PAX3: variants seen among roughly 807,000 people sequenced by gnomAD.
The protein encoded by PAX3 is paired box protein Pax-3.
Under a neutral mutation model 51.6 loss-of-function variants are expected in PAX3, and 14 were observed. The ratio of observed to expected loss-of-function variants is 0.27; its 90% CI spans 0.18 to 0.42. The LOEUF (loss-of-function observed/expected upper bound fraction) is 0.42, where lower values mean the gene tolerates loss of function less well. Ranked by LOEUF, PAX3 falls within the 10% of genes least tolerant of loss-of-function variation. The probability of loss-of-function intolerance (pLI) is 1.00; values close to 1 mark genes in which losing one functional copy is unlikely to be tolerated. For synonymous variants in PAX3, 280 were observed against 253.4 expected, an observed-to-expected ratio of 1.11 and a Z score of -1.00; for missense variants, 540 against 642.8, an observed-to-expected ratio of 0.84 and a Z score of 1.73.
intron 4 of PAX3, among the ~76,000 whole-genome samples, chr2:222,276,971 G>A (rs920369098): frequency 5.9e-5 from 9 of 152,146 alleles, no homozygotes; most frequent in South Asian, 2.1e-4. Context: ...AGCACCCTGC[G>A]TATTCTAAAG....
chr2:222,296,898 A>G, intron 2 of PAX3, 80 bp downstream of exon 2: 1 of 1,174,206 alleles, frequency 8.5e-7, no homozygotes, highest in Non-Finnish European at 1.2e-6. Flanking sequence ...CCCAGATGTC[A>G]GCCGTTACCC....
chr2:222,229,240 C>T (rs1692495509), intron 5 of PAX3, among the ~76,000 whole-genome samples: 1 of 149,732 alleles, frequency 6.7e-6, no homozygotes, highest in Non-Finnish European at 1.5e-5. Flanking sequence ...AATATCATAA[C>T]ATTGATATAG....
At chr2:222,238,323 T>TC (rs1294436514) in intron 4 of PAX3, among the ~76,000 whole-genome samples, 1 of 152,242 alleles carries the variant, frequency 6.6e-6, no homozygotes, top group Non-Finnish European at 1.5e-5. Flanking sequence ...AAATATTTCA[T>TC]CCTAGTTAAC....
intron 5 of PAX3, among the ~76,000 whole-genome samples, chr2:222,231,140 A>G (rs1692578217): frequency 6.6e-6 from 1 of 152,132 alleles, no homozygotes; most frequent in Admixed American, 6.6e-5. Flanking sequence ...GTAATAGGAG[A>G]GTTAATTAGC....
At chr2:222,276,719 C>T (rs10498137) in intron 4 of PAX3, among the ~76,000 whole-genome samples, 19,462 of 152,244 alleles carry the variant, frequency 0.13, 1,417 homozygotes, top group East Asian at 0.25. Context: ...CTAACACAAC[C>T]TTTACAGCTA....
rs1416633442 is a variant in PAX3 at position 222,200,799 on chromosome 2, T to A, written c.*609A>T. On this transcript the variant is annotated 3_prime_UTR_variant, in exon 9 of 9. Transcript: ENST00000392070. ...TTACAAATGAGGATACAGTAACAAATAATTTATTTAGGAGGTCCTTTACAG... is the reference window on the plus strand; with the variant it reads ...TTACAAATGAGGATACAGTAACAAAAAATTTATTTAGGAGGTCCTTTACAG... The A allele has an allele frequency of 3.1e-6, 1 of 324,142 alleles. No individual in the cohort carries two copies. Among genetic ancestry groups the A allele is most frequent in the African/African-American group, 2.1e-5 (1 of 47,516 alleles). 20.1% of individuals were successfully genotyped at this position (324,142 alleles called of 1,614,324 possible).
intron 7 of PAX3, among the ~76,000 whole-genome samples, chr2:222,217,865 T>C (rs754357399): frequency 6.6e-6 from 1 of 152,206 alleles, no homozygotes; most frequent in African/African-American, 2.4e-5. Flanking sequence ...AGAAGTGATA[T>C]AGCCCAAAGT....
chr2:222,294,348 A>G (rs1409325683), intron 3 of PAX3, 47 bp from the exon 4 acceptor site: 2 of 1,609,902 alleles, frequency 1.2e-6, no homozygotes. Flanking sequence ...CATGGTTGAG[A>G]CAAGCAGGGC....
intron 7 of PAX3, among the ~76,000 whole-genome samples, chr2:222,205,189 T>C (rs576152278): frequency 1.3e-5 from 2 of 152,248 alleles, no homozygotes; most frequent in South Asian, 2.1e-4. Context: ...AGTATATCTA[T>C]TGAAGGGTGG....
chr2:222,256,344 C>T (rs150899847), intron 4 of PAX3, among the ~76,000 whole-genome samples: 2 of 152,238 alleles, frequency 1.3e-5, no homozygotes, highest in South Asian at 2.1e-4. Context: ...ATCCTCTGGA[C>T]GACGCCTTGA....
chr2:222,296,180 C>T (rs868824865), intron 2 of PAX3, among the ~76,000 whole-genome samples: 6 of 152,208 alleles, frequency 3.9e-5, no homozygotes, highest in Non-Finnish European at 7.3e-5. Flanking sequence ...ACTGACTCTT[C>T]TCTCTACCCC....
Position 222,294,248 on chromosome 2 carries a change from C to G in PAX3, c.505G>C (p.Glu169Gln). The G allele has an allele frequency of 1.2e-6, 2 of 1,614,258 alleles. No homozygotes were observed. Among genetic ancestry groups the G allele is most frequent in the Non-Finnish European group, 1.7e-6 (2 of 1,180,052 alleles). ...RSKFGKGEEE[E>Q]ADLERKEAEE... ...GCCTCCTTCCTCTCCAAGTCGGCCT[C>G]CTCCTCTTCACCTTTCCCGAATTTA... The change falls in exon 4 of 9, where the codon GAG becomes CAG. Residue 169 changes from glutamate (E) to glutamine (Q), a missense_variant. Transcript: ENST00000392070.
intron 7 of PAX3, among the ~76,000 whole-genome samples, chr2:222,215,193 A>G (rs977783792): frequency 3.4e-4 from 52 of 152,294 alleles, no homozygotes; most frequent in African/African-American, 1.3e-3. Context: ...TGTCAGTGAT[A>G]TAAGAGTAAA....
chr2:222,277,821 C>A (rs1181829800), intron 4 of PAX3, among the ~76,000 whole-genome samples: 1 of 151,706 alleles, frequency 6.6e-6, no homozygotes, highest in East Asian at 1.9e-4. Flanking sequence ...GTAGTCCCAG[C>A]TACTCGGGAG....
rs536055766 is a variant in PAX3, at chr2:222,210,232, T to C, written c.1174-8042A>G. 2.6e-5 allele frequency among the ~76,000 whole-genome samples: 4 copies of C among 152,332 alleles called. No homozygotes were observed. In the South Asian group the frequency reaches 8.3e-4, roughly 32 times the overall value. ...TGCAGATCCTAGCAAAATAAAATCT[T>C]TGTAATCTAGTGATTTTGAAAAATG... On this transcript the variant is annotated intron_variant, in intron 7 of 8. Coordinates refer to ENST00000392070, the MANE Select transcript of PAX3 (RefSeq NM_181458.4).
Position 222,215,818 on chromosome 2 carries a change from C to G in PAX3, c.1173+4322G>C, listed in dbSNP as rs182161312. Among the ~76,000 whole-genome samples the G allele has an allele frequency of 4.7e-4, 71 of 152,230 alleles. No homozygotes were observed. In the East Asian group the frequency reaches 0.013, roughly 28 times the overall value. On this transcript the variant is annotated intron_variant, in intron 7 of 8. Coordinates refer to ENST00000392070, the MANE Select transcript of PAX3 (RefSeq NM_181458.4). ...CTATATTTTCCTCACATCAACAGAACAGAAACTTTCAGAAGGATGGTACTA... is the reference window on the plus strand; with the variant it reads ...CTATATTTTCCTCACATCAACAGAAGAGAAACTTTCAGAAGGATGGTACTA...
At chr2:222,268,789 C>A (rs12618491) in intron 4 of PAX3, among the ~76,000 whole-genome samples, 58,609 of 152,060 alleles carry the variant, frequency 0.39, 11,790 homozygotes, top group South Asian at 0.63. Flanking sequence ...TCAGCCAGCT[C>A]CAGATGAAAC....
Position 222,206,478 on chromosome 2 carries a change from A to G in PAX3, c.1174-4288T>C, listed in dbSNP as rs75206475. On this transcript the variant is annotated intron_variant, in intron 7 of 8. Coordinates refer to ENST00000392070, the MANE Select transcript of PAX3 (RefSeq NM_181458.4). Reference sequence around the variant, plus strand: ...ACTGTTTCTAAATTGTTCTTTGAACAGCCTTTAAAAACAAATTCAAAGCTT... The same window carrying G: ...ACTGTTTCTAAATTGTTCTTTGAACGGCCTTTAAAAACAAATTCAAAGCTT... Among the ~76,000 whole-genome samples, 629 of 152,182 alleles carry G rather than the reference A, an allele frequency of 4.1e-3. 7 individuals are homozygous for G. The highest frequency in any genetic ancestry group is 0.015 in the African/African-American group (607 of 41,540).
intron 7 of PAX3, among the ~76,000 whole-genome samples, chr2:222,212,834 A>G (rs1691797897): frequency 6.6e-6 from 1 of 152,232 alleles, no homozygotes; most frequent in South Asian, 2.1e-4. Context: ...TAAAGGGTTG[A>G]TTCAGGCCAT....
Sources: allele counts gnomAD v4.1 joint callset (sites outside exome capture counted in the v4.1 genomes callset), GRCh38; gene constraint gnomAD v4.1.1; transcripts MANE v1.5; gene names NCBI Gene and HGNC (gene_info 2026-07-23, HGNC 2026-07-21).